Variants in FOXN2 observed in about 807,000 individuals in gnomAD.
The protein encoded by FOXN2 is forkhead box protein N2.
A neutral mutation model predicts 41.2 loss-of-function variants in FOXN2; 19 were observed. The ratio of observed to expected loss-of-function variants is 0.46; its 90% CI spans 0.32 to 0.68. The LOEUF is 0.68. Among genes scored for constraint, FOXN2 ranks in the 30% least tolerant of loss-of-function variants. FOXN2 has a pLI of 0.03. For missense variants in FOXN2, 587 were observed against 509.4 expected (o/e 1.15, Z -1.47); for synonymous variants, 195 against 176.8 (o/e 1.10, Z -0.82).
intron 1 of FOXN2, among the ~76,000 whole-genome samples, chr2:48,327,096 C>T (rs1446993661): frequency 1.3e-5 from 2 of 152,002 alleles, no homozygotes; most frequent in African/African-American, 2.4e-5. Flanking sequence ...CAGACCAGAC[C>T]TCTTTCCTGA....
chr2:48,349,808 G>C (rs1190375349), intron 3 of FOXN2, among the ~76,000 whole-genome samples: 2 of 152,208 alleles, frequency 1.3e-5, no homozygotes, highest in African/African-American at 4.8e-5. Flanking sequence ...TGTGACGTGA[G>C]ATGTAACATA....
intron 5 of FOXN2, among the ~76,000 whole-genome samples, chr2:48,365,304 T>C (rs1672461560): frequency 6.6e-6 from 1 of 152,206 alleles, no homozygotes; most frequent in South Asian, 2.1e-4. Context: ...TGTTCTGCCT[T>C]AACATAAGAC....
intron 1 of FOXN2, among the ~76,000 whole-genome samples, chr2:48,327,451 CT>C (rs201892853): frequency 0.14 from 20,038 of 146,994 alleles, 1,602 homozygotes; most frequent in East Asian, 0.46. Flanking sequence ...TGGAGATAGT[CT>C]TTTTTTTTTT....
chr2:48,371,010 T>G (rs887532993), intron 5 of FOXN2, among the ~76,000 whole-genome samples: 1 of 152,164 alleles, frequency 6.6e-6, no homozygotes, highest in Non-Finnish European at 1.5e-5. Context: ...TTCTTCTGCC[T>G]GTAGATATAT....
chr2:48,364,682 G>A (rs1324662178), intron 5 of FOXN2, among the ~76,000 whole-genome samples: 1 of 152,232 alleles, frequency 6.6e-6, no homozygotes, highest in Non-Finnish European at 1.5e-5. Context: ...ATGGCCCATG[G>A]CCATTTCTGG....
chr2:48,356,902 A>G (rs949872534), intron 3 of FOXN2, among the ~76,000 whole-genome samples: 2 of 152,216 alleles, frequency 1.3e-5, no homozygotes, highest in Admixed American at 6.5e-5. Context: ...AAATAATAAA[A>G]TGAGAGAATG....
chr2:48,353,944 A>G (rs752331787), intron 3 of FOXN2, among the ~76,000 whole-genome samples: 8 of 151,832 alleles, frequency 5.3e-5, no homozygotes, highest in Non-Finnish European at 8.8e-5. Flanking sequence ...GCTATTGTTT[A>G]TGCATTTAGA....
intron 5 of FOXN2, among the ~76,000 whole-genome samples, chr2:48,372,746 C>T (rs1210589608): frequency 9.2e-5 from 14 of 151,998 alleles, no homozygotes; most frequent in Admixed American, 9.2e-4. Flanking sequence ...ATAATCATGA[C>T]TAAAAACAAT....
chr2:48,373,146 T>C (rs1673019792), intron 5 of FOXN2, 146 bp from the exon 6 acceptor site: 1 of 551,956 alleles, frequency 1.8e-6, no homozygotes, highest in African/African-American at 2.0e-5. Context: ...TAATATATAA[T>C]ATCTCATTTT....
At chr2:48,339,637 A>G (rs537431786) in intron 2 of FOXN2, among the ~76,000 whole-genome samples, 8 of 152,224 alleles carry the variant, frequency 5.3e-5, no homozygotes, top group African/African-American at 1.9e-4. Flanking sequence ...TGGCAAGTAC[A>G]TGAAGCATTT....
intron 1 of FOXN2, among the ~76,000 whole-genome samples, chr2:48,325,684 A>G (rs1156902937): frequency 6.6e-6 from 1 of 152,134 alleles, no homozygotes; most frequent in Non-Finnish European, 1.5e-5. Context: ...AAAACAGACA[A>G]CTAGCTCTGC....
At chr2:48,334,075 A>G (rs959465032) in intron 2 of FOXN2, among the ~76,000 whole-genome samples, 38 of 152,282 alleles carry the variant, frequency 2.5e-4, no homozygotes, top group African/African-American at 8.7e-4. Context: ...AAATATAGCA[A>G]TTTGAGACCT....
intron 5 of FOXN2, among the ~76,000 whole-genome samples, chr2:48,368,283 A>G (rs988500576): frequency 5.9e-5 from 9 of 152,228 alleles, no homozygotes; most frequent in African/African-American, 2.2e-4. Context: ...AAACAGAGCC[A>G]CCTTTAAAAT....
Position 48,365,405 on chromosome 2 carries a change from T to C in FOXN2, c.703+2698T>C, listed in dbSNP as rs572088441. The stretch of plus-strand genomic sequence containing the variant: ...AAAATGCCTTTATCTTTGTATTGCC[T>C]CAATAAAGTCTGACACTTATTCTCT... On this transcript the variant is annotated intron_variant, in intron 5 of 6. Coordinates refer to ENST00000340553, the MANE Select transcript of FOXN2 (RefSeq NM_002158.4). Among the ~76,000 whole-genome samples the C allele has an allele frequency of 2.0e-5, 3 of 152,342 alleles. No homozygotes were observed. In the South Asian group the frequency reaches 6.2e-4, roughly 32 times the overall value.
intron 3 of FOXN2, among the ~76,000 whole-genome samples, chr2:48,355,815 C>G (rs72889610): frequency 0.03 from 4,599 of 152,148 alleles, 224 homozygotes; most frequent in African/African-American, 0.1. Context: ...ATGTTTTTCT[C>G]CCTATCATCA....
chr2:48,347,490 G>T (rs970547428), intron 3 of FOXN2, among the ~76,000 whole-genome samples: 4 of 151,848 alleles, frequency 2.6e-5, no homozygotes, highest in African/African-American at 9.7e-5. Context: ...ACCTCCCAAA[G>T]TGTTGGGATT....
At chr2:48,359,212 C>T (rs1490623617) in intron 4 of FOXN2, 65 bp downstream of exon 4, 1 of 1,082,658 alleles carries the variant, frequency 9.2e-7, no homozygotes, top group South Asian at 1.3e-5. Context: ...GATGGAGAAA[C>T]TTAAAGGTCC....
intron 2 of FOXN2, among the ~76,000 whole-genome samples, chr2:48,332,395 T>G (rs1178244931): frequency 6.6e-6 from 1 of 152,218 alleles, no homozygotes; most frequent in Non-Finnish European, 1.5e-5. Context: ...TCTATCATGT[T>G]GCATGATTGG....
intron 4 of FOXN2, among the ~76,000 whole-genome samples, chr2:48,362,233 G>T (rs887453331): frequency 2.0e-5 from 3 of 152,098 alleles, no homozygotes; most frequent in Non-Finnish European, 4.4e-5. Flanking sequence ...GTTTGTTTTT[G>T]GTGGTACAAA....
Sources: allele counts gnomAD v4.1 joint callset (sites outside exome capture counted in the v4.1 genomes callset), GRCh38; gene constraint gnomAD v4.1.1; transcripts MANE v1.5; gene names NCBI Gene and HGNC (gene_info 2026-07-23, HGNC 2026-07-21).